The following FBXL14 variants were observed in gnomAD, a reference collection of about 807,000 sequenced individuals.
The protein encoded by FBXL14 is F-box/LRR-repeat protein 14.
Under a neutral mutation model 24.5 loss-of-function variants are expected in FBXL14, and 11 were observed. That is an observed-to-expected ratio of 0.45 (90% CI 0.28 to 0.74). FBXL14 has a LOEUF of 0.74. Among genes scored for constraint, FBXL14 ranks in the 30% least tolerant of loss-of-function variants. The pLI is 0.12. For synonymous variants in FBXL14, 294 were observed against 240.4 expected, an observed-to-expected ratio of 1.22 and a Z score of -2.06; for missense variants, 384 against 545.6, an observed-to-expected ratio of 0.70 and a Z score of 2.95.
chr12:1,577,613 T>G (rs2094458455), intron 1 of FBXL14, among the ~76,000 whole-genome samples: 1 of 152,236 alleles, frequency 6.6e-6, no homozygotes, highest in Non-Finnish European at 1.5e-5. Flanking sequence ...AGAATGCTTC[T>G]GGAGCATTCA....
Position 1,593,218 on chromosome 12 carries a change from C to T in FBXL14, c.849G>A (p.Gly283=), listed in dbSNP as rs746977907. The T allele has an allele frequency of 4.3e-6, 7 of 1,612,954 alleles. No homozygotes were observed. Among genetic ancestry groups the T allele is most frequent in the Admixed American group, 1.7e-5 (1 of 60,028 alleles). The change falls in exon 1 of 2, where the codon GGG becomes GGA. Residue 283 remains glycine, a synonymous_variant. Transcript: ENST00000339235. This position sits in a 1 kb window ranked among gnomAD's most constrained non-coding sequence, Gnocchi z 7.4. ...CCTTGTCACAGAACGAAACATCCAG[C>T]CCCGAGAGGCGCAGGCTGCCCATGG... ...HLAMGSLRLS[G]LDVSFCDKVG...
At chr12:1,583,440 A>G (rs531462034) in intron 1 of FBXL14, among the ~76,000 whole-genome samples, 1 of 152,264 alleles carries the variant, frequency 6.6e-6, no homozygotes, top group East Asian at 1.9e-4. Context: ...AAAAGCAGAG[A>G]GCTGCAAAAT....
chr12:1,582,360 C>T lies in FBXL14; in HGVS notation c.1194+10513G>A, dbSNP rs114200471. Among the ~76,000 whole-genome samples, 388 of 152,258 alleles carry T rather than the reference C, an allele frequency of 2.5e-3. 1 individual carries two copies. Among genetic ancestry groups the T allele is most frequent in the African/African-American group, 8.8e-3 (367 of 41,544 alleles). ...AGGAGCAGCTTTAGGAACTGCTGGT[C>T]CTCAGCGTTCACACATTCCCCTCAC... On this transcript the variant is annotated intron_variant, in intron 1 of 1. Transcript: ENST00000339235.
At chr12:1,591,087 T>TTTC (rs2094488519) in intron 1 of FBXL14, among the ~76,000 whole-genome samples, 1 of 152,252 alleles carries the variant, frequency 6.6e-6, no homozygotes, top group African/African-American at 2.4e-5. Context: ...TTTTGTTCAA[T>TTTC]TTCTTTAAAT....
intron 1 of FBXL14, among the ~76,000 whole-genome samples, chr12:1,573,269 C>G (rs994451082): frequency 1.3e-5 from 2 of 152,154 alleles, no homozygotes; most frequent in Non-Finnish European, 2.9e-5. Flanking sequence ...TCTCTGACCC[C>G]TAGACCAGGT....
chr12:1,589,623 T>C (rs942153649), intron 1 of FBXL14, among the ~76,000 whole-genome samples: 2 of 152,146 alleles, frequency 1.3e-5, no homozygotes, highest in African/African-American at 2.4e-5. Flanking sequence ...GCAGGTTGCT[T>C]TGAAGATTAA....
intron 1 of FBXL14, among the ~76,000 whole-genome samples, chr12:1,580,951 A>G (rs1411320258): frequency 2.6e-5 from 4 of 152,136 alleles, no homozygotes; most frequent in African/African-American, 9.7e-5. Flanking sequence ...GAACAATGGC[A>G]CAGGGAGGCT....
In FBXL14 at chr12:1,581,137, G is replaced by T. The variant is rs568273399; in HGVS notation, c.1194+11736C>A. On this transcript the variant is annotated intron_variant, in intron 1 of 1. Coordinates refer to ENST00000339235, the MANE Select transcript of FBXL14 (RefSeq NM_152441.3). ...TCGACCCCTCTCGACAGTCTTCATA[G>T]ACGGCGACAGGAAATTCAGAAACTG... Among the ~76,000 whole-genome samples, 3 of 152,092 alleles carry T rather than the reference G, an allele frequency of 2.0e-5. No homozygotes were observed. The South Asian group carries it at 6.2e-4, about 32-fold the overall frequency.
chr12:1,587,976 G>A (rs761445287), intron 1 of FBXL14, among the ~76,000 whole-genome samples: 4 of 152,216 alleles, frequency 2.6e-5, no homozygotes, highest in Non-Finnish European at 5.9e-5. Flanking sequence ...AAGGGGTGAT[G>A]TTTGATGCAG....
chr12:1,586,146 G>A (rs745833538), intron 1 of FBXL14, among the ~76,000 whole-genome samples: 1 of 150,096 alleles, frequency 6.7e-6, no homozygotes, highest in Non-Finnish European at 1.5e-5. Context: ...GCATAAGGTA[G>A]TGCATATTAA....
chr12:1,574,087 G>A (rs2094450574), intron 1 of FBXL14, among the ~76,000 whole-genome samples: 1 of 152,168 alleles, frequency 6.6e-6, no homozygotes. Flanking sequence ...GATGAGAACT[G>A]GCAGGAGATG....
intron 1 of FBXL14, among the ~76,000 whole-genome samples, chr12:1,589,716 T>C (rs1002794630): frequency 5.9e-5 from 9 of 152,350 alleles, no homozygotes; most frequent in East Asian, 3.9e-4. Context: ...AGATGAGCAG[T>C]TGACCTTCAC....
chr12:1,574,000 C>T (rs935644592), intron 1 of FBXL14, among the ~76,000 whole-genome samples: 17 of 148,110 alleles, frequency 1.1e-4, no homozygotes, highest in African/African-American at 4.0e-4. Context: ...AGCGAAACTC[C>T]GTCTCAAAAA....
chr12:1,592,207 T>TATA (rs2094491898), intron 1 of FBXL14, among the ~76,000 whole-genome samples: 1 of 146,850 alleles, frequency 6.8e-6, no homozygotes, highest in Non-Finnish European at 1.5e-5. Context: ...TATATATATA[T>TATA]AATTTATATA....
intron 1 of FBXL14, among the ~76,000 whole-genome samples, chr12:1,571,951 G>A (rs889762421): frequency 6.6e-6 from 1 of 152,198 alleles, no homozygotes; most frequent in Non-Finnish European, 1.5e-5. Flanking sequence ...AGTCCCTGGA[G>A]ACCTCACCAC....
intron 1 of FBXL14, among the ~76,000 whole-genome samples, chr12:1,580,230 G>A (rs574847632): frequency 3.9e-4 from 59 of 152,330 alleles, no homozygotes; most frequent in Non-Finnish European, 5.1e-4. Flanking sequence ...CAATCTTGCG[G>A]TGTATGGACA....
At chr12:1,585,757 T>C (rs2094475299) in intron 1 of FBXL14, among the ~76,000 whole-genome samples, 1 of 152,218 alleles carries the variant, frequency 6.6e-6, no homozygotes, top group Admixed American at 6.5e-5. Context: ...CTTTTACTCT[T>C]TCTGGACAAG....
intron 1 of FBXL14, among the ~76,000 whole-genome samples, chr12:1,586,142 G>C (rs1243149335): frequency 6.6e-6 from 1 of 150,770 alleles, no homozygotes; most frequent in Admixed American, 6.6e-5. Context: ...GTTTGCATAA[G>C]GTAGTGCATA....
At position 1,567,030 on chromosome 12, in the gene FBXL14, G is replaced by A. The variant is rs1817779433; in HGVS notation, c.1195-220C>T. Among the ~76,000 whole-genome samples the A allele has an allele frequency of 6.6e-6, 1 of 152,140 alleles. No homozygotes were observed. Among genetic ancestry groups the A allele is most frequent in the South Asian group, 2.1e-4 (1 of 4,820 alleles). On this transcript the variant is annotated intron_variant, in intron 1 of 1. Coordinates refer to ENST00000339235, the MANE Select transcript of FBXL14 (RefSeq NM_152441.3). The surrounding 1 kb of genome is among the most constrained non-coding windows in gnomAD (Gnocchi z 4.8). ...ACTCATTTGTGAATGTTCAGCTGAGGGGTGCAAGCTCACCAAAACTCTGAG... is the reference window on the plus strand; with the variant it reads ...ACTCATTTGTGAATGTTCAGCTGAGAGGTGCAAGCTCACCAAAACTCTGAG...
Sources: allele counts gnomAD v4.1 joint callset (sites outside exome capture counted in the v4.1 genomes callset), GRCh38; gene constraint gnomAD v4.1.1; non-coding constraint Gnocchi (gnomAD v3.1); transcripts MANE v1.5; gene names NCBI Gene and HGNC (gene_info 2026-07-23, HGNC 2026-07-21).